ARMC9: variants seen among roughly 807,000 people sequenced by gnomAD.
ARMC9 encodes the protein armadillo repeat containing 9, also known as lisH domain-containing protein ARMC9.
ARMC9 carries 94 observed loss-of-function variants against 107.0 expected under a neutral mutation model. The ratio of observed to expected loss-of-function variants is 0.88; its 90% CI spans 0.74 to 1.04. ARMC9 has a LOEUF of 1.04. ARMC9 is among the 50% of genes least tolerant of loss of function. ARMC9 has a pLI of 0.00. For missense variants in ARMC9, 942 were observed against 1,030.1 expected (o/e 0.91, Z 1.17); for synonymous variants, 380 against 396.9 (o/e 0.96, Z 0.51).
rs537669037 is a variant in ARMC9, at chr2:231,278,430, C to G, written c.1523C>G (p.Ser508Trp). ...KVAGLVLKVLSDLLGHENHEI... is the reference protein window; with the variant it reads ...KVAGLVLKVLWDLLGHENHEI... The stretch of plus-strand genomic sequence containing the variant: ...GCAGGCCTCGTGCTCAAAGTCCTTT[C>G]GGATCTTCTTGGCCATGAAAACCAT... The change falls in exon 16 of 25, where the codon TCG becomes TGG. Residue 508 changes from serine (S) to tryptophan (W), a missense_variant. By Grantham distance (177) the Ser-to-Trp change is radical. Coordinates refer to ENST00000611582, the MANE Select transcript of ARMC9 (RefSeq NM_001352754.2). 6.2e-7 allele frequency: 1 copy of G among 1,613,976 alleles called. No homozygotes were observed. The highest frequency in any genetic ancestry group is 1.3e-5 in the African/African-American group (1 of 74,908).
chr2:231,340,829 A>G (rs1191914953), intron 20 of ARMC9, among the ~76,000 whole-genome samples: 3 of 152,208 alleles, frequency 2.0e-5, no homozygotes, highest in African/African-American at 4.8e-5. Flanking sequence ...CGGAGGTTGC[A>G]GTGAGCCAAG....
rs371575682 is a variant in ARMC9, at chr2:231,326,957, CAGG to C, written c.1774-4833_1774-4831del. On this transcript the variant is annotated intron_variant, in intron 19 of 24. Coordinates refer to ENST00000611582, the MANE Select transcript of ARMC9 (RefSeq NM_001352754.2). Reference sequence around the variant, plus strand: ...AGATGATCTTAGGGAACACTGTCACCAGGAGATGATGGCCTGCCCTCCCCCTGC... The same window carrying C: ...AGATGATCTTAGGGAACACTGTCACCAGATGATGGCCTGCCCTCCCCCTGC... Among the ~76,000 whole-genome samples, 149 of 152,254 alleles carry C rather than the reference CAGG, an allele frequency of 9.8e-4. 1 individual carries two copies. The highest frequency in any genetic ancestry group is 3.5e-3 in the African/African-American group (146 of 41,542).
At chr2:231,307,585 C>G (rs2042104830) in intron 19 of ARMC9, among the ~76,000 whole-genome samples, 1 of 152,202 alleles carries the variant, frequency 6.6e-6, no homozygotes, top group Non-Finnish European at 1.5e-5. Context: ...CCTCCACAGC[C>G]TGGCCTCACT....
chr2:231,350,250 T>C (rs886651107), intron 21 of ARMC9, among the ~76,000 whole-genome samples: 1 of 152,082 alleles, frequency 6.6e-6, no homozygotes, highest in Non-Finnish European at 1.5e-5. Flanking sequence ...GGTCTTGAAC[T>C]CCTTACCTCA....
intron 23 of ARMC9, among the ~76,000 whole-genome samples, chr2:231,366,565 A>G (rs1019150608): frequency 6.6e-6 from 1 of 151,996 alleles, no homozygotes; most frequent in African/African-American, 2.4e-5. Flanking sequence ...AAATTGGGCC[A>G]GCTGCGGTGG....
At chr2:231,239,514 G>A (rs185228658) in intron 8 of ARMC9, among the ~76,000 whole-genome samples, 2 of 152,330 alleles carry the variant, frequency 1.3e-5, no homozygotes, top group East Asian at 3.9e-4. Context: ...TGTGGAAAGC[G>A]AGAGGCAGAG....
chr2:231,236,096 A>G (rs1213649807), intron 8 of ARMC9, among the ~76,000 whole-genome samples: 2 of 152,120 alleles, frequency 1.3e-5, no homozygotes, highest in East Asian at 3.8e-4. Context: ...CCTCTACCTT[A>G]TTAATATTAG....
intron 19 of ARMC9, among the ~76,000 whole-genome samples, chr2:231,320,001 T>TA (rs896105869): frequency 6.6e-6 from 1 of 152,216 alleles, no homozygotes; most frequent in African/African-American, 2.4e-5. Context: ...TATACACTGT[T>TA]ATGGTTTTTA....
At chr2:231,361,094 A>T (rs755796259) in intron 23 of ARMC9, among the ~76,000 whole-genome samples, 2 of 152,220 alleles carry the variant, frequency 1.3e-5, no homozygotes, top group Non-Finnish European at 2.9e-5. Flanking sequence ...GAGAGCCATC[A>T]GTCAGACGGG....
At chr2:231,327,531 T>C (rs2043408529) in intron 19 of ARMC9, among the ~76,000 whole-genome samples, 1 of 152,192 alleles carries the variant, frequency 6.6e-6, no homozygotes, top group Middle Eastern at 3.2e-3. Context: ...TCTTTCTGAG[T>C]AGTATTCTGT....
At chr2:231,251,691 G>A (rs761425442) in intron 9 of ARMC9, among the ~76,000 whole-genome samples, 6 of 152,142 alleles carry the variant, frequency 3.9e-5, no homozygotes, top group Non-Finnish European at 8.8e-5. Context: ...TGCTTTGCTT[G>A]CCAAATGCAT....
intron 1 of ARMC9, among the ~76,000 whole-genome samples, chr2:231,204,352 A>C (rs1345270001): frequency 6.6e-6 from 1 of 151,906 alleles, no homozygotes; most frequent in Non-Finnish European, 1.5e-5. Context: ...CCCTAGCTAC[A>C]TCCCAATACC....
intron 20 of ARMC9, among the ~76,000 whole-genome samples, chr2:231,336,169 G>A (rs910854614): frequency 1.3e-5 from 2 of 151,138 alleles, no homozygotes; most frequent in African/African-American, 4.9e-5. Flanking sequence ...CCATCACCTG[G>A]GTTAAAGGAT....
rs1164269958 is a variant in ARMC9, at chr2:231,297,234, GCTC to G, written c.1773+984_1773+986del. Among the ~76,000 whole-genome samples the G allele has an allele frequency of 6.6e-6, 1 of 152,184 alleles. No individual in the cohort carries two copies. Among genetic ancestry groups the G allele is most frequent in the Non-Finnish European group, 1.5e-5 (1 of 68,034 alleles). On this transcript the variant is annotated intron_variant, in intron 19 of 24. Coordinates refer to ENST00000611582, the MANE Select transcript of ARMC9 (RefSeq NM_001352754.2). This position sits in a 1 kb window ranked among gnomAD's most constrained non-coding sequence, Gnocchi z 4.2. Reference sequence around the variant, plus strand: ...CTGCAGGTGGCATCAGCGGGTACGTGCTCCTGCTGGCTCTTCCTGCCTTGTCCA... The same window carrying G: ...CTGCAGGTGGCATCAGCGGGTACGTGCTGCTGGCTCTTCCTGCCTTGTCCA...
At chr2:231,245,346 G>A (rs949519313) in intron 9 of ARMC9, among the ~76,000 whole-genome samples, 1 of 152,174 alleles carries the variant, frequency 6.6e-6, no homozygotes, top group African/African-American at 2.4e-5. Flanking sequence ...CAAGTCACGC[G>A]GGTGTGTTCG....
At chr2:231,252,464 G>A (rs989774476) in intron 9 of ARMC9, among the ~76,000 whole-genome samples, 1 of 152,044 alleles carries the variant, frequency 6.6e-6, no homozygotes, top group Admixed American at 6.6e-5. Context: ...TGGTCAGGCT[G>A]GTCTCGAACT....
chr2:231,221,975 A>T (rs996486098), intron 5 of ARMC9, among the ~76,000 whole-genome samples: 1 of 151,994 alleles, frequency 6.6e-6, no homozygotes, highest in Non-Finnish European at 1.5e-5. Context: ...GTGGGGAAGG[A>T]TGGAAAGGTC....
intron 14 of ARMC9, 41 bp downstream of exon 14, chr2:231,273,119 C>A (rs2125437254): frequency 6.3e-7 from 1 of 1,584,062 alleles, no homozygotes; most frequent in South Asian, 1.2e-5. Flanking sequence ...CCTGTGAGAT[C>A]AGATTGAGTT....
rs754351421 is a variant in ARMC9 at position 231,288,527 on chromosome 2, C to T, written c.1627-2826C>T. 8.1e-5 allele frequency: 34 copies of T among 420,164 alleles called. 1 individual carries two copies. The highest frequency in any genetic ancestry group is 2.0e-4 in the South Asian group (11 of 55,674). 26.0% of individuals were successfully genotyped at this position (420,164 alleles called of 1,614,324 possible). On this transcript the variant is annotated intron_variant, in intron 17 of 24. Transcript: ENST00000611582. ...AGAGGATTAGACTGTGAAGCTGGAACGATAGAATGCGCTAGAGAGTTCAGT... is the reference window on the plus strand; with the variant it reads ...AGAGGATTAGACTGTGAAGCTGGAATGATAGAATGCGCTAGAGAGTTCAGT...
Sources: gnomAD v4.1 joint callset for allele counts (sites outside exome capture counted in the v4.1 genomes callset) on GRCh38, gnomAD v4.1.1 for gene constraint, Gnocchi (gnomAD v3.1) non-coding constraint, MANE v1.5 for transcripts, NCBI Gene and HGNC (gene_info 2026-07-23, HGNC 2026-07-21) for gene names.